Variants in CAPZA2 observed in about 807,000 individuals in gnomAD.
CAPZA2 encodes F-actin-capping protein subunit alpha-2.
In CAPZA2, 13 loss-of-function variants were observed where a neutral mutation model predicts 44.0. That is an observed-to-expected ratio of 0.30 (90% CI 0.19 to 0.47). CAPZA2 has a LOEUF of 0.47. Ranked by LOEUF, CAPZA2 falls within the 20% of genes least tolerant of loss-of-function variation. CAPZA2 has a pLI of 1.00. For missense variants in CAPZA2, 244 were observed against 338.6 expected (o/e 0.72, Z 2.19); for synonymous variants, 94 against 108.2 (o/e 0.87, Z 0.81).
At chr7:116,917,555 C>T (rs1791697810) in intron 9 of CAPZA2, among the ~76,000 whole-genome samples, 172 bp from the exon 10 acceptor site, 1 of 152,222 alleles carries the variant, frequency 6.6e-6, no homozygotes, top group Non-Finnish European at 1.5e-5. Flanking sequence ...CCGCGCCCGG[C>T]TCTTCTAGCT....
At chr7:116,902,886 A>T (rs1488330278) in intron 4 of CAPZA2, among the ~76,000 whole-genome samples, 2 of 151,940 alleles carry the variant, frequency 1.3e-5, no homozygotes, top group African/African-American at 2.4e-5. Flanking sequence ...ATTTTAAAAA[A>T]TTTTTTTGTA....
chr7:116,893,704 A>G (rs1054203878), intron 3 of CAPZA2, among the ~76,000 whole-genome samples: 12 of 152,176 alleles, frequency 7.9e-5, no homozygotes, highest in South Asian at 4.1e-4. Context: ...GTTTGACCCT[A>G]ATAGCTTTTG....
At chr7:116,887,012 A>G (rs1469096267) in intron 1 of CAPZA2, among the ~76,000 whole-genome samples, 3 of 152,212 alleles carry the variant, frequency 2.0e-5, no homozygotes, top group Non-Finnish European at 4.4e-5. Flanking sequence ...TTGAACTAAG[A>G]TTTCCTAAGA....
intron 3 of CAPZA2, among the ~76,000 whole-genome samples, chr7:116,894,899 TC>T (rs1796905265): frequency 6.6e-6 from 1 of 152,182 alleles, no homozygotes; most frequent in Non-Finnish European, 1.5e-5. Flanking sequence ...CCGTTTATCT[TC>T]CAATGGACAC....
chr7:116,881,521 C>A (rs1161088268), intron 1 of CAPZA2, among the ~76,000 whole-genome samples: 1 of 151,916 alleles, frequency 6.6e-6, no homozygotes, highest in East Asian at 1.9e-4. Flanking sequence ...GGGCGGATCA[C>A]GAGGTCAGGA....
At chr7:116,868,400 A>AGCT (rs1472770743) in intron 1 of CAPZA2, among the ~76,000 whole-genome samples, 1 of 152,176 alleles carries the variant, frequency 6.6e-6, no homozygotes, top group Non-Finnish European at 1.5e-5. Flanking sequence ...AAACAATATA[A>AGCT]GCTGCCATTG....
chr7:116,867,314 T>G (rs529698926), intron 1 of CAPZA2, among the ~76,000 whole-genome samples: 1 of 152,352 alleles, frequency 6.6e-6, no homozygotes, highest in South Asian at 2.1e-4. Flanking sequence ...TTGCCACTGT[T>G]AGGCTTTTAC....
At position 116,906,286 on chromosome 7, in the gene CAPZA2, A is replaced by G; in HGVS notation, c.450A>G (p.Gly150=). ...VCTVYGKKID[G]QQTIIACIES... Reference sequence around the variant, plus strand: ...AGGTGTATGGCAAAAAAATAGATGGACAGCAAACCATTATTGCATGCATAG... The same window carrying G: ...AGGTGTATGGCAAAAAAATAGATGGGCAGCAAACCATTATTGCATGCATAG... Residue 150 remains glycine (G), a synonymous_variant, in exon 6 of 10, where the codon GGA becomes GGG. Coordinates refer to ENST00000361183, the MANE Select transcript of CAPZA2 (RefSeq NM_006136.3). 2 of 1,613,016 alleles carry G rather than the reference A, an allele frequency of 1.2e-6. No individual in the cohort carries two copies. Among genetic ancestry groups the G allele is most frequent in the Non-Finnish European group, 1.7e-6 (2 of 1,179,804 alleles).
At chr7:116,880,027 G>A (rs927038692) in intron 1 of CAPZA2, 1 of 452,204 alleles carries the variant, frequency 2.2e-6, no homozygotes, top group South Asian at 1.6e-5. Flanking sequence ...GAGTATATAG[G>A]CAGTTTCTCC....
intron 1 of CAPZA2, 95 bp downstream of exon 1, chr7:116,862,745 C>A: frequency 3.0e-6 from 4 of 1,344,400 alleles, no homozygotes; most frequent in Non-Finnish European, 4.1e-6. Flanking sequence ...GGGCATTGGC[C>A]CGCAGCTGGC....
At chr7:116,881,149 T>A (rs183240358) in intron 1 of CAPZA2, among the ~76,000 whole-genome samples, 1 of 152,200 alleles carries the variant, frequency 6.6e-6, no homozygotes, top group South Asian at 2.1e-4. Context: ...CCTGCTAATA[T>A]TATTGAATAT....
At chr7:116,906,771 G>A (rs755771367) in intron 6 of CAPZA2, 3 of 155,060 alleles carry the variant, frequency 1.9e-5, no homozygotes, top group Non-Finnish European at 2.9e-5. Flanking sequence ...CCAATGTGAG[G>A]AAATAATGAC....
chr7:116,881,801 T>G (rs1409117256), intron 1 of CAPZA2, among the ~76,000 whole-genome samples: 4 of 142,920 alleles, frequency 2.8e-5, no homozygotes, highest in African/African-American at 1.0e-4. Context: ...ACCCCCGCCC[T>G]GGTCCAGGAT....
intron 2 of CAPZA2, among the ~76,000 whole-genome samples, chr7:116,889,054 C>T (rs1006049873): frequency 1.3e-5 from 2 of 152,274 alleles, no homozygotes; most frequent in African/African-American, 2.4e-5. Context: ...TCACAGTATG[C>T]GTTCCTTTAA....
At chr7:116,862,698 C>G in intron 1 of CAPZA2, 48 bp downstream of exon 1, 3 of 1,501,728 alleles carry the variant, frequency 2.0e-6, no homozygotes, top group Non-Finnish European at 2.7e-6. Flanking sequence ...GCCGGCTCAG[C>G]CCGGGCGGGT....
intron 1 of CAPZA2, among the ~76,000 whole-genome samples, chr7:116,863,045 T>G (rs550359932): frequency 1.6e-3 from 251 of 152,152 alleles, no homozygotes; most frequent in South Asian, 0.012. Flanking sequence ...CGTCCGTGCG[T>G]GGGAGCGGCC....
intron 1 of CAPZA2, among the ~76,000 whole-genome samples, chr7:116,865,289 G>A (rs1444783350): frequency 6.9e-6 from 1 of 145,458 alleles, no homozygotes; most frequent in Middle Eastern, 3.4e-3. Flanking sequence ...GGGCTGAAGC[G>A]ATTCTTCTGC....
intron 6 of CAPZA2, 60 bp from the exon 7 acceptor site, chr7:116,910,173 T>A (rs773057670): frequency 1.1e-6 from 1 of 909,478 alleles, no homozygotes; most frequent in East Asian, 2.4e-5. Flanking sequence ...AATCTGAAAC[T>A]TAAAATTGAT....
In CAPZA2 at chr7:116,920,682, G is replaced by A. The variant is rs1791756688; in HGVS notation, c.*2815G>A. 6.6e-6 allele frequency: 1 copy of A among 152,224 alleles called. No homozygotes were observed. The highest frequency in any genetic ancestry group is 1.5e-5 in the Non-Finnish European group (1 of 68,064). 9.4% of individuals were successfully genotyped at this position (152,224 alleles called of 1,614,324 possible). A position where few individuals can be genotyped will look rare whatever the true frequency, so the allele number is the denominator to read the frequency against. Reference sequence around the variant, plus strand: ...CAAAGGAGAAATATCTCATGTAGCAGTTAGATACAGGAGACAGGAACTAGA... The same window carrying A: ...CAAAGGAGAAATATCTCATGTAGCAATTAGATACAGGAGACAGGAACTAGA... On this transcript the variant is annotated 3_prime_UTR_variant, in exon 10 of 10. Coordinates refer to ENST00000361183, the MANE Select transcript of CAPZA2 (RefSeq NM_006136.3).
Sources: allele counts gnomAD v4.1 joint callset (sites outside exome capture counted in the v4.1 genomes callset), GRCh38; gene constraint gnomAD v4.1.1; transcripts MANE v1.5; gene names NCBI Gene and HGNC (gene_info 2026-07-23, HGNC 2026-07-21).